PELI2: variants seen among roughly 807,000 people sequenced by gnomAD.
PELI2 encodes the protein pellino E3 ubiquitin protein ligase family member 2.
PELI2 carries 23 observed loss-of-function variants against 42.3 expected under a neutral mutation model. The observed-to-expected ratio is 0.54, with a 90% CI of 0.39 to 0.77. The LOEUF (loss-of-function observed/expected upper bound fraction) is 0.77. PELI2 is among the 30% of genes least tolerant of loss of function. PELI2 has a pLI of 0.00. For missense variants in PELI2, 463 were observed against 553.2 expected, an observed-to-expected ratio of 0.84 and a Z score of 1.64; for synonymous variants, 245 against 212.2, an observed-to-expected ratio of 1.15 and a Z score of -1.34.
At chr14:56,131,975 G>A (rs1267778056) in intron 1 of PELI2, among the ~76,000 whole-genome samples, 2 of 152,078 alleles carry the variant, frequency 1.3e-5, no homozygotes, top group Non-Finnish European at 2.9e-5. Context: ...AGGGCTGGGC[G>A]GAGGGGATTT....
intron 1 of PELI2, chr14:56,119,787 G>A (rs1882996647): frequency 1.0e-6 from 1 of 983,408 alleles, no homozygotes; most frequent in African/African-American, 1.7e-5. Context: ...TCCTTTGGAT[G>A]TGTCGCTCTG....
intron 2 of PELI2, among the ~76,000 whole-genome samples, chr14:56,257,290 G>A (rs967861808): frequency 1.3e-5 from 2 of 152,160 alleles, no homozygotes; most frequent in African/African-American, 4.8e-5. Flanking sequence ...TGTAATGTGG[G>A]CTGGCAGGAA....
rs962653037 is a variant in PELI2, at chr14:56,257,261, A to G, written c.208-22415A>G. On this transcript the variant is annotated intron_variant, in intron 2 of 5. Transcript: ENST00000267460. The stretch of plus-strand genomic sequence containing the variant: ...GTTGAACAACATAGAAGATGATCCT[A>G]CCCCCTCAGAGCTTACAGTGTAATG... Among the ~76,000 whole-genome samples, 93 of 152,278 alleles carry G rather than the reference A, an allele frequency of 6.1e-4. 2 individuals carry two copies. Among genetic ancestry groups the G allele is most frequent in the African/African-American group, 2.0e-3 (84 of 41,552 alleles).
chr14:56,256,296 C>T (rs1888524886), intron 2 of PELI2, among the ~76,000 whole-genome samples: 1 of 151,786 alleles, frequency 6.6e-6, no homozygotes, highest in South Asian at 2.1e-4. Flanking sequence ...ATTAGCTGGG[C>T]ATGGTGGTGC....
chr14:56,148,285 A>G (rs1333921748), intron 1 of PELI2, among the ~76,000 whole-genome samples: 1 of 152,028 alleles, frequency 6.6e-6, no homozygotes, highest in Non-Finnish European at 1.5e-5. Flanking sequence ...TCCATCCTTC[A>G]CAGTGCTAAC....
chr14:56,198,010 A>ACACACACACCCACC (rs772024884), intron 2 of PELI2, among the ~76,000 whole-genome samples: 1 of 114,618 alleles, frequency 8.7e-6, no homozygotes, highest in African/African-American at 3.0e-5. Flanking sequence ...ACACACACAC[A>ACACACACACCCACC]CACCCACCTC....
At chr14:56,217,518 T>G (rs1214677931) in intron 2 of PELI2, among the ~76,000 whole-genome samples, 1 of 152,238 alleles carries the variant, frequency 6.6e-6, no homozygotes, top group Non-Finnish European at 1.5e-5. Flanking sequence ...GTCCCCCGTC[T>G]GCCACTTTCT....
chr14:56,234,528 A>T (rs1035775384), intron 2 of PELI2, among the ~76,000 whole-genome samples: 4 of 152,170 alleles, frequency 2.6e-5, no homozygotes, highest in African/African-American at 9.6e-5. Context: ...ATGTGTTCTC[A>T]CTCATAGGTG....
intron 3 of PELI2, among the ~76,000 whole-genome samples, chr14:56,283,509 A>G (rs1889548428): frequency 2.0e-5 from 3 of 152,168 alleles, no homozygotes. Context: ...TTATGAAGGT[A>G]ATTTTGGCCT....
intron 1 of PELI2, among the ~76,000 whole-genome samples, chr14:56,164,649 CA>C (rs1884885981): frequency 6.6e-6 from 1 of 152,130 alleles, no homozygotes; most frequent in East Asian, 1.9e-4. Flanking sequence ...TAGAATTCAG[CA>C]GTGAAGTCAC....
intron 1 of PELI2, among the ~76,000 whole-genome samples, chr14:56,131,383 C>T (rs1014196897): frequency 6.6e-6 from 1 of 152,146 alleles, no homozygotes; most frequent in Admixed American, 6.5e-5. Context: ...ACATATGACC[C>T]AGAGTTTCTG....
intron 1 of PELI2, among the ~76,000 whole-genome samples, chr14:56,145,428 G>A (rs1884078213): frequency 6.6e-6 from 1 of 152,156 alleles, no homozygotes; most frequent in Non-Finnish European, 1.5e-5. Flanking sequence ...TTTCATAAAT[G>A]TTCTTTTTGC....
In PELI2 at chr14:56,135,938, A is replaced by G. The variant is rs572069141; in HGVS notation, c.77+17201A>G. On this transcript the variant is annotated intron_variant, in intron 1 of 5. Transcript: ENST00000267460. ...TAGAGTTTGTGATTCTGCTTTTTCT[A>G]ACACATCATATGGAGTCTGCTTGCA... is the stretch of plus-strand genomic sequence containing the variant. Among the ~76,000 whole-genome samples the G allele has an allele frequency of 1.3e-4, 20 of 152,304 alleles. No individual in the cohort carries two copies. The South Asian group carries it at 3.5e-3, about 27-fold the overall frequency.
intron 2 of PELI2, among the ~76,000 whole-genome samples, chr14:56,225,777 G>A (rs1044237920): frequency 6.6e-6 from 1 of 152,208 alleles, no homozygotes; most frequent in East Asian, 1.9e-4. Context: ...CCTCTGACTA[G>A]GGGCAGCCCC....
intron 2 of PELI2, among the ~76,000 whole-genome samples, chr14:56,189,536 G>A (rs934751456): frequency 9.9e-5 from 15 of 152,204 alleles, no homozygotes; most frequent in Non-Finnish European, 8.8e-5. Flanking sequence ...CCTCCAGCTA[G>A]TGACTCAGGA....
chr14:56,287,780 T>C (rs1225064984), intron 3 of PELI2, among the ~76,000 whole-genome samples: 1 of 152,242 alleles, frequency 6.6e-6, no homozygotes, highest in African/African-American at 2.4e-5. Flanking sequence ...CAAGCTGAGC[T>C]AAGTGATACA....
intron 2 of PELI2, among the ~76,000 whole-genome samples, chr14:56,231,699 C>T (rs1594664623): frequency 6.6e-6 from 1 of 152,106 alleles, no homozygotes; most frequent in African/African-American, 2.4e-5. Context: ...ATTAGAAGAA[C>T]TAGAGAAGCA....
intron 2 of PELI2, among the ~76,000 whole-genome samples, chr14:56,240,789 C>T (rs1191009594): frequency 6.6e-6 from 1 of 152,100 alleles, no homozygotes; most frequent in Non-Finnish European, 1.5e-5. Context: ...GGCAGAGTAG[C>T]TGTGGGGAGG....
chr14:56,168,704 G>A (rs2139651784), intron 1 of PELI2, among the ~76,000 whole-genome samples: 1 of 152,050 alleles, frequency 6.6e-6, no homozygotes, highest in African/African-American at 2.4e-5. Flanking sequence ...AAGACAAAGT[G>A]CCCTTTGCTT....
Sources: allele counts gnomAD v4.1 joint callset (sites outside exome capture counted in the v4.1 genomes callset), GRCh38; gene constraint gnomAD v4.1.1; transcripts MANE v1.5; gene names NCBI Gene and HGNC (gene_info 2026-07-23, HGNC 2026-07-21).